Variants in USP34 observed in about 807,000 individuals in gnomAD.
USP34 encodes the protein ubiquitin specific peptidase 34, also known as ubiquitin carboxyl-terminal hydrolase 34.
USP34 carries 70 observed loss-of-function variants against 460.3 expected under a neutral mutation model. The observed-to-expected ratio is 0.15, with a 90% CI of 0.13 to 0.19. USP34 has a LOEUF of 0.19. USP34 is among the 10% of genes least tolerant of loss of function. The pLI, the probability that USP34 is intolerant of heterozygous loss-of-function variation, is 1.00. For missense variants in USP34, 3,985 were observed against 4,236.2 expected, an observed-to-expected ratio of 0.94 and a Z score of 1.65; for synonymous variants, 1,647 against 1,405.3, an observed-to-expected ratio of 1.17 and a Z score of -3.85.
At chr2:61,226,370 A>G (rs1279721055) in intron 62 of USP34, among the ~76,000 whole-genome samples, 1 of 152,236 alleles carries the variant, frequency 6.6e-6, no homozygotes, top group Admixed American at 6.5e-5. Flanking sequence ...TTGGCATTAC[A>G]AATGCATTTT....
intron 41 of USP34, 177 bp downstream of exon 41, chr2:61,277,988 A>T (rs1572894867): frequency 2.5e-6 from 2 of 804,988 alleles, no homozygotes; most frequent in East Asian, 2.9e-5. Flanking sequence ...TTCCGGCACG[A>T]TTGTGAGGCC....
At chr2:61,229,097 A>G in intron 59 of USP34, 102 bp from the exon 60 acceptor site, 2 of 883,282 alleles carry the variant, frequency 2.3e-6, no homozygotes, top group Non-Finnish European at 3.2e-6. Context: ...TATCTTTGAG[A>G]TAATGAATAT....
intron 1 of USP34, among the ~76,000 whole-genome samples, chr2:61,464,168 C>G (rs1695693071): frequency 6.6e-6 from 1 of 152,058 alleles, no homozygotes; most frequent in Non-Finnish European, 1.5e-5. Flanking sequence ...AAAATACAAA[C>G]ATTAGCTGGG....
At chr2:61,465,603 G>A (rs1292190065) in intron 1 of USP34, among the ~76,000 whole-genome samples, 1 of 152,162 alleles carries the variant, frequency 6.6e-6, no homozygotes, top group Non-Finnish European at 1.5e-5. Flanking sequence ...AGTACTTGGG[G>A]AGGCTGAGGC....
intron 50 of USP34, among the ~76,000 whole-genome samples, chr2:61,246,025 A>C (rs908938919): frequency 6.6e-6 from 1 of 152,226 alleles, no homozygotes; most frequent in Non-Finnish European, 1.5e-5. Context: ...GAAGATATTC[A>C]ATGAACAGCT....
intron 15 of USP34, among the ~76,000 whole-genome samples, chr2:61,346,602 G>T (rs1468829103): frequency 7.2e-6 from 1 of 138,706 alleles, no homozygotes; most frequent in East Asian, 2.1e-4. Flanking sequence ...TTGGCAGGCC[G>T]AATCATAAGG....
chr2:61,372,469 C>A (rs1162630323), intron 8 of USP34, among the ~76,000 whole-genome samples: 3 of 152,136 alleles, frequency 2.0e-5, no homozygotes, highest in African/African-American at 7.2e-5. Flanking sequence ...TGGTTCACAC[C>A]TGTAATCCTA....
At chr2:61,222,836 C>T in intron 64 of USP34, 173 bp from the exon 65 acceptor site, 1 of 691,952 alleles carries the variant, frequency 1.4e-6, no homozygotes. Flanking sequence ...GCTGGGACTA[C>T]AGGCATGTGC....
At chr2:61,235,786 A>G in intron 57 of USP34, 59 bp downstream of exon 57, 1 of 1,538,836 alleles carries the variant, frequency 6.5e-7, no homozygotes, top group Non-Finnish European at 8.8e-7. Context: ...CTTAGATCAG[A>G]GGGGGGGAAA....
In USP34 at chr2:61,229,479, AAAAAAAAAAC is replaced by A. The variant is rs1558478221; in HGVS notation, c.7199+59_7199+68del. ...TCTTAAAAAAAAAAAAAAAAAACAA[AAAAAAAAAAC>A]AAAAACACCACACACACACAACACA... On this transcript the variant is annotated intron_variant, in intron 59 of 79. Coordinates refer to ENST00000398571, the MANE Select transcript of USP34 (RefSeq NM_014709.4). 2.6e-3 allele frequency: 2,125 copies of A among 803,176 alleles called. 68 individuals are homozygous for A. The highest frequency in any genetic ancestry group is 0.012 in the South Asian group (328 of 28,346). 49.8% of individuals were successfully genotyped at this position (803,176 alleles called of 1,614,324 possible).
At chr2:61,227,556 C>G (rs560414756) in intron 61 of USP34, among the ~76,000 whole-genome samples, 3 of 151,926 alleles carry the variant, frequency 2.0e-5, no homozygotes, top group Admixed American at 6.6e-5. Context: ...ACTAAAAATA[C>G]AAAAATTAGC....
At chr2:61,381,984 A>G (rs1692988576) in intron 6 of USP34, among the ~76,000 whole-genome samples, 1 of 152,166 alleles carries the variant, frequency 6.6e-6, no homozygotes, top group African/African-American at 2.4e-5. Flanking sequence ...CACATCCACA[A>G]TGCTACCCTT....
At position 61,343,049 on chromosome 2, in the gene USP34, A is replaced by G. The variant is rs73936123; in HGVS notation, c.2500+766T>C. 2.5e-3 allele frequency among the ~76,000 whole-genome samples: 383 copies of G among 152,324 alleles called. 1 individual carries two copies. The highest frequency in any genetic ancestry group is 8.8e-3 in the African/African-American group (365 of 41,556). On this transcript the variant is annotated intron_variant, in intron 16 of 79. Transcript: ENST00000398571. The stretch of plus-strand genomic sequence containing the variant: ...AATCAGTAAATTGTTGCCAAGGTCC[A>G]CAAGTTGTGTTTCTAAGTGTGTTTA...
chr2:61,270,558 C>T (rs1350888926), intron 41 of USP34, among the ~76,000 whole-genome samples: 11 of 152,278 alleles, frequency 7.2e-5, no homozygotes, highest in Non-Finnish European at 2.9e-5. Context: ...GCCTCAGCCT[C>T]CCGAGTAGCT....
intron 43 of USP34, among the ~76,000 whole-genome samples, chr2:61,260,098 A>G (rs1227013630): frequency 2.0e-5 from 3 of 152,228 alleles, no homozygotes; most frequent in Non-Finnish European, 4.4e-5. Flanking sequence ...GGTGCAATCA[A>G]AGTTGTCTTC....
intron 8 of USP34, among the ~76,000 whole-genome samples, chr2:61,376,073 A>T (rs1454910025): frequency 6.6e-6 from 1 of 152,146 alleles, no homozygotes; most frequent in Non-Finnish European, 1.5e-5. Flanking sequence ...ACTGGCTACA[A>T]ATGGGCAAAA....
At chr2:61,442,357 T>G (rs1694989621) in intron 1 of USP34, among the ~76,000 whole-genome samples, 1 of 149,684 alleles carries the variant, frequency 6.7e-6, no homozygotes, top group South Asian at 2.1e-4. Flanking sequence ...ATTACTCATC[T>G]GAGGGGATTA....
intron 25 of USP34, among the ~76,000 whole-genome samples, chr2:61,313,066 T>C (rs757275073): frequency 3.3e-5 from 5 of 151,934 alleles, no homozygotes; most frequent in African/African-American, 1.2e-4. Context: ...GCATGAAAAA[T>C]ACCTAAGTAA....
intron 7 of USP34, among the ~76,000 whole-genome samples, chr2:61,379,186 T>A (rs1262736640): frequency 6.6e-6 from 1 of 152,156 alleles, no homozygotes; most frequent in Non-Finnish European, 1.5e-5. Flanking sequence ...CTATTTCACA[T>A]TTTCAGTGTG....
Sources: allele counts gnomAD v4.1 joint callset (sites outside exome capture counted in the v4.1 genomes callset), GRCh38; gene constraint gnomAD v4.1.1; transcripts MANE v1.5; gene names NCBI Gene and HGNC (gene_info 2026-07-23, HGNC 2026-07-21).